The following ZNF106 variants were observed in gnomAD, a reference collection of about 807,000 sequenced individuals.
The protein encoded by ZNF106 is SH3-domain binding protein 3.
Under a neutral mutation model 195.1 loss-of-function variants are expected in ZNF106, and 67 were observed. That is an observed-to-expected ratio of 0.34 (90% CI 0.28 to 0.42). ZNF106 has a LOEUF of 0.42. Among genes scored for constraint, ZNF106 ranks in the 10% least tolerant of loss-of-function variants. The pLI is 1.00. For missense variants in ZNF106, 2,118 were observed against 2,304.5 expected (o/e 0.92, Z 1.66); for synonymous variants, 784 against 818.6 (o/e 0.96, Z 0.72).
At chr15:42,459,916 G>A (rs906142889) in intron 3 of ZNF106, among the ~76,000 whole-genome samples, 2 of 151,284 alleles carry the variant, frequency 1.3e-5, no homozygotes, top group South Asian at 4.2e-4. Flanking sequence ...GGTGGCACAC[G>A]CCTGTAATCC....
rs74009096 is a variant in ZNF106 at position 42,483,101 on chromosome 15, A to G, written c.-33+7879T>C. Among the ~76,000 whole-genome samples the G allele has an allele frequency of 8.4e-3, 1,281 of 152,314 alleles. 2 individuals carry two copies. Among genetic ancestry groups the G allele is most frequent in the African/African-American group, 0.013 (543 of 41,578 alleles). Reference sequence around the variant, plus strand: ...GATCAGGGCCTGCCCTAAAGTTAGAAGCCATGAAAATGGGAAATTACTCCA... The same window carrying G: ...GATCAGGGCCTGCCCTAAAGTTAGAGGCCATGAAAATGGGAAATTACTCCA... On this transcript the variant is annotated intron_variant, in intron 1 of 21. Transcript: ENST00000564754.
chr15:42,449,438 G>C (rs8027283), intron 5 of ZNF106, among the ~76,000 whole-genome samples: 39,860 of 152,110 alleles, frequency 0.26, 6,296 homozygotes, highest in African/African-American at 0.44. Flanking sequence ...GAAAAAGACA[G>C]AGATCTATAG....
At chr15:42,476,967 A>C (rs1192330721) in intron 1 of ZNF106, among the ~76,000 whole-genome samples, 6 of 152,164 alleles carry the variant, frequency 3.9e-5, no homozygotes, top group Non-Finnish European at 8.8e-5. Flanking sequence ...GCTGCTAGTC[A>C]ACAATAAACT....
chr15:42,430,235 T>C (rs2055002830), intron 14 of ZNF106, among the ~76,000 whole-genome samples: 1 of 152,044 alleles, frequency 6.6e-6, no homozygotes, highest in Non-Finnish European at 1.5e-5. Flanking sequence ...AAAAGAGTTT[T>C]TGCTAATATT....
chr15:42,443,805 C>A (rs373813263), intron 9 of ZNF106, among the ~76,000 whole-genome samples: 1 of 151,930 alleles, frequency 6.6e-6, no homozygotes, highest in African/African-American at 2.4e-5. Flanking sequence ...TACTTTTCAT[C>A]CCCTCAAAGA....
At chr15:42,435,233 C>A in intron 14 of ZNF106, 151 bp downstream of exon 14, 1 of 1,078,962 alleles carries the variant, frequency 9.3e-7, no homozygotes, top group South Asian at 1.5e-5. Flanking sequence ...CTCATATCTA[C>A]CTAGGGCTAC....
Position 42,448,342 on chromosome 15 carries a change from G to A in ZNF106, c.2865C>T (p.Thr955=). 1 of 1,614,146 alleles carries A rather than the reference G, an allele frequency of 6.2e-7. No individual in the cohort carries two copies. The highest frequency in any genetic ancestry group is 8.5e-7 in the Non-Finnish European group (1 of 1,180,026). The change falls in exon 6 of 22, where the codon ACC becomes ACT. Residue 955 remains threonine (T), a synonymous_variant. Coordinates refer to ENST00000564754, the MANE Select transcript of ZNF106 (RefSeq NM_001366845.3). Reference sequence around the variant, plus strand: ...ATAATTGTGCACTATGTCGCCTTTGGGTAGCAACATTTTCAGCCCTTTCAC... The same window carrying A: ...ATAATTGTGCACTATGTCGCCTTTGAGTAGCAACATTTTCAGCCCTTTCAC... The part of the protein sequence containing the change: ...RTGERAENVA[T]QRRHSAQLSS...
At chr15:42,441,382 A>G (rs2141325869) in intron 10 of ZNF106, among the ~76,000 whole-genome samples, 1 of 152,036 alleles carries the variant, frequency 6.6e-6, no homozygotes, top group Non-Finnish European at 1.5e-5. Flanking sequence ...TAACATCTAG[A>G]TTAATATTGC....
At position 42,457,078 on chromosome 15, in the gene ZNF106, A is replaced by C; in HGVS notation, c.197T>G (p.Leu66Trp). Residue 66 changes from leucine (L) to tryptophan (W), a missense_variant, in exon 4 of 22, where the codon TTG (leucine) becomes TGG (tryptophan). Leu to Trp is a moderately conservative substitution (Grantham distance 61, BLOSUM62 -2). Coordinates refer to ENST00000564754, the MANE Select transcript of ZNF106 (RefSeq NM_001366845.3). The stretch of plus-strand genomic sequence containing the variant: ...CTGGGCATCAACGTTATCTTTGTGC[A>C]ACTGGCCAGAAATGTGCTTTGCATA... ...SAYAKHISGQ[L>W]HKDNVDAQER... 6.2e-7 allele frequency: 1 copy of C among 1,613,240 alleles called. No homozygotes were observed. Among genetic ancestry groups the C allele is most frequent in the South Asian group, 1.1e-5 (1 of 90,964 alleles).
Position 42,448,725 on chromosome 15 carries a change from A to G in ZNF106, c.2502-20T>C, listed in dbSNP as rs1029597233. ...CCAAACCTTAAGGAAGAAAGAAAAA[A>G]TGAAAACATAAATTGGATATGGTTG... On this transcript the variant is annotated intron_variant, in intron 5 of 21. Transcript: ENST00000564754. The G allele has an allele frequency of 1.3e-6, 2 of 1,569,388 alleles. No individual in the cohort carries two copies. The highest frequency in any genetic ancestry group is 1.9e-5 in the Admixed American group (1 of 53,330).
Position 42,440,995 on chromosome 15 carries a change from AAAAATATATATATATATATATATATATAT to A in ZNF106, c.3763+1049_3763+1077del, listed in dbSNP as rs1456178328. On this transcript the variant is annotated intron_variant, in intron 10 of 21. Coordinates refer to ENST00000564754, the MANE Select transcript of ZNF106 (RefSeq NM_001366845.3). ...GCGAAACTCTGTCTAAAAAAAAAAA[AAAAATATATATATATATATATATATATAT>A]ATATATATATATATATATATATATG... Among the ~76,000 whole-genome samples, 16 of 52,096 alleles carry A rather than the reference AAAAATATATATATATATATATATATATAT, an allele frequency of 3.1e-4. 5 individuals carry two copies. Among genetic ancestry groups the A allele is most frequent in the African/African-American group, 2.0e-3 (14 of 6,944 alleles). 34.2% of individuals were successfully genotyped at this position (52,096 alleles called of 152,430 possible).
At chr15:42,438,563 A>G in intron 12 of ZNF106, 49 bp downstream of exon 12, 1 of 1,519,908 alleles carries the variant, frequency 6.6e-7, no homozygotes, top group South Asian at 1.2e-5. Context: ...TAATATTTAC[A>G]AGGCTTTTAA....
chr15:42,424,106 A>G, intron 16 of ZNF106, 46 bp from the exon 17 acceptor site: 1 of 1,543,056 alleles, frequency 6.5e-7, no homozygotes. Flanking sequence ...ACGGTTCTTA[A>G]TTTTCTCTAT....
At chr15:42,449,080 T>C (rs918352242) in intron 5 of ZNF106, among the ~76,000 whole-genome samples, 1 of 152,060 alleles carries the variant, frequency 6.6e-6, no homozygotes, top group Non-Finnish European at 1.5e-5. Context: ...TTTCAAATGC[T>C]ACTCACAAGG....
At position 42,419,543 on chromosome 15, in the gene ZNF106, C is replaced by CA. The variant is rs1205578998; in HGVS notation, c.5517+1517dup. Among the ~76,000 whole-genome samples the CA allele has an allele frequency of 6.6e-3, 935 of 141,622 alleles. 15 individuals carry two copies. The highest frequency in any genetic ancestry group is 0.017 in the African/African-American group (654 of 38,646). 92.9% of individuals were successfully genotyped at this position (141,622 alleles called of 152,430 possible). ...TGAGTAACATAACAAGACCCTGTCT[C>CA]AAAAAAAAAAAGAAAAGAAAAACAA... On this transcript the variant is annotated intron_variant, in intron 20 of 21. Transcript: ENST00000564754.
chr15:42,448,553 T>G lies in ZNF106; in HGVS notation c.2654A>C (p.Glu885Ala). 14 of 1,614,130 alleles carry G rather than the reference T, an allele frequency of 8.7e-6. No homozygotes were observed. The highest frequency in any genetic ancestry group is 1.1e-5 in the Non-Finnish European group (13 of 1,180,022). The change falls in exon 6 of 22, where the codon GAG becomes GCG. Residue 885 changes from glutamate (E) to alanine (A), a missense_variant. Physicochemically the swap from Glu to Ala is moderately radical, Grantham distance 107 (BLOSUM62 -1). Transcript: ENST00000564754. ...PGLARKRSLS[E>A]SSVIMDRAPS... is the part of the protein sequence containing the mutation. Reference sequence around the variant, plus strand: ...AGCTCTGTCCATGATCACGCTGCTCTCAGAAAGGCTTCGCTTTCTTGCCAA... The same window carrying G: ...AGCTCTGTCCATGATCACGCTGCTCGCAGAAAGGCTTCGCTTTCTTGCCAA...
chr15:42,474,770 G>GAAAA (rs891115401), intron 1 of ZNF106, among the ~76,000 whole-genome samples: 2 of 151,960 alleles, frequency 1.3e-5, no homozygotes, highest in African/African-American at 2.4e-5. Context: ...AAGAAAGAAA[G>GAAAA]AAAATACCAG....
chr15:42,462,201 C>T (rs1374217803), intron 3 of ZNF106, among the ~76,000 whole-genome samples: 3 of 152,238 alleles, frequency 2.0e-5, no homozygotes, highest in African/African-American at 2.4e-5. Flanking sequence ...CTCCATAGCA[C>T]AGTGTAGTTG....
In ZNF106 at chr15:42,451,154, G is replaced by A. The variant is rs201957572; in HGVS notation, c.1118C>T (p.Thr373Met). ...CAGAGTCTTCTGAGAAGGGTAAGGC[G>A]TCCAGCGACGAGGCTTTTCCCTTGC... is the stretch of plus-strand genomic sequence containing the variant. ...SAAREKPRRW[T>M]PYPSQKTLDL... The change falls in exon 5 of 22, where the codon ACG (threonine) becomes ATG (methionine). Residue 373 changes from threonine (T) to methionine (M), a missense_variant. By Grantham distance (81) the Thr-to-Met change is moderately conservative. Coordinates refer to ENST00000564754, the MANE Select transcript of ZNF106 (RefSeq NM_001366845.3). The A allele has an allele frequency of 3.2e-5, 51 of 1,614,132 alleles. No homozygotes were observed. Among genetic ancestry groups the A allele is most frequent in the East Asian group, 1.3e-4 (6 of 44,882 alleles).
Sources: gnomAD v4.1 joint callset for allele counts (sites outside exome capture counted in the v4.1 genomes callset) on GRCh38, gnomAD v4.1.1 for gene constraint, MANE v1.5 for transcripts, NCBI Gene and HGNC (gene_info 2026-07-23, HGNC 2026-07-21) for gene names.